The following VPS8 variants were observed in gnomAD, a reference collection of about 807,000 sequenced individuals.
VPS8 encodes vacuolar protein sorting-associated protein 8 homolog.
Under a neutral mutation model 216.4 loss-of-function variants are expected in VPS8, and 129 were observed. The observed-to-expected ratio is 0.60, with a 90% CI of 0.52 to 0.69. The LOEUF (loss-of-function observed/expected upper bound fraction) is 0.69. VPS8 is among the 30% of genes least tolerant of loss of function. The pLI is 0.00. For missense variants in VPS8, 1,531 were observed against 1,683.5 expected (o/e 0.91, Z 1.59); for synonymous variants, 571 against 565.4 (o/e 1.01, Z -0.14).
intron 45 of VPS8, among the ~76,000 whole-genome samples, chr3:185,021,122 A>C (rs1285636675): frequency 6.6e-6 from 1 of 152,226 alleles, no homozygotes; most frequent in African/African-American, 2.4e-5. Flanking sequence ...TATTGCTTTT[A>C]AACTTCAGCT....
Position 184,854,189 on chromosome 3 carries a change from C to T in VPS8, c.1035+16C>T, listed in dbSNP as rs1337780237. ...CTATGGCCGGGTGAGTACGTCCCTC[C>T]ATCTTATTTGCCAAAGGAAGGACCA... On this transcript the variant is annotated intron_variant, in intron 13 of 47. Coordinates refer to ENST00000625842, the MANE Select transcript of VPS8 (RefSeq NM_001009921.3). 1.2e-6 allele frequency: 2 copies of T among 1,613,196 alleles called. No homozygotes were observed. The highest frequency in any genetic ancestry group is 1.7e-5 in the Admixed American group (1 of 59,924).
At chr3:184,900,633 C>T (rs185717185) in intron 24 of VPS8, among the ~76,000 whole-genome samples, 20 of 152,194 alleles carry the variant, frequency 1.3e-4, no homozygotes, top group Middle Eastern at 3.4e-3. Flanking sequence ...AAGAATAAAG[C>T]GTTTAAGAAC....
chr3:184,973,338 C>T (rs779134810), intron 40 of VPS8, among the ~76,000 whole-genome samples: 14 of 151,964 alleles, frequency 9.2e-5, no homozygotes, highest in Non-Finnish European at 1.9e-4. Flanking sequence ...ATAATGCTTG[C>T]TTTTAAAAAT....
At chr3:184,841,198 A>G (rs994806037) in intron 7 of VPS8, among the ~76,000 whole-genome samples, 8 of 152,172 alleles carry the variant, frequency 5.3e-5, no homozygotes. Context: ...AAAATATAGA[A>G]AATATAGATG....
At chr3:184,919,733 T>C (rs868269069) in intron 28 of VPS8, among the ~76,000 whole-genome samples, 1 of 152,220 alleles carries the variant, frequency 6.6e-6, no homozygotes, top group Non-Finnish European at 1.5e-5. Flanking sequence ...GTTAATAAAA[T>C]GTGTCTTAGT....
At chr3:184,925,544 T>G (rs534008910) in intron 30 of VPS8, among the ~76,000 whole-genome samples, 212 of 152,288 alleles carry the variant, frequency 1.4e-3, no homozygotes, top group African/African-American at 5.0e-3. Flanking sequence ...ATCCTCCTTT[T>G]ATAGATGAGG....
Position 184,996,451 on chromosome 3 carries a change from G to C in VPS8, c.3786G>C (p.Leu1262Phe), listed in dbSNP as rs946442934. Reference sequence around the variant, plus strand: ...AACAAGATTACTGCTCTATATGTTTGCAGCAGTACAAGAGACGCCAAGAAA... The same window carrying C: ...AACAAGATTACTGCTCTATATGTTTCCAGCAGTACAAGAGACGCCAAGAAA... ...NPKQDYCSIC[L>F]QQYKRRQEMA... The change falls in exon 44 of 48, where the codon TTG (leucine) becomes TTC (phenylalanine). Residue 1262 changes from leucine to phenylalanine, a missense_variant. Physicochemically the swap from Leu to Phe is conservative, Grantham distance 22 (BLOSUM62 0). Transcript: ENST00000625842. The C allele has an allele frequency of 6.2e-7, 1 of 1,612,480 alleles. No individual in the cohort carries two copies.
intron 21 of VPS8, among the ~76,000 whole-genome samples, chr3:184,883,128 T>C (rs976849521): frequency 5.3e-5 from 8 of 152,216 alleles, no homozygotes; most frequent in African/African-American, 1.9e-4. Flanking sequence ...TATCTGTGAC[T>C]GTGTGCCCTT....
At chr3:184,936,183 A>G (rs2109286568) in intron 34 of VPS8, 63 bp from the exon 35 acceptor site, 1 of 1,425,280 alleles carries the variant, frequency 7.0e-7, no homozygotes, top group Non-Finnish European at 9.7e-7. Context: ...CGTGCCTCAC[A>G]TCTGTGGATA....
intron 34 of VPS8, among the ~76,000 whole-genome samples, chr3:184,935,774 A>C (rs1307806556): frequency 6.6e-6 from 1 of 152,238 alleles, no homozygotes; most frequent in Non-Finnish European, 1.5e-5. Context: ...AAAATTTAAG[A>C]CCTGAAGTTT....
At position 185,052,109 on chromosome 3, in the gene VPS8, T is replaced by C; in HGVS notation, c.*84T>C. On this transcript the variant is annotated 3_prime_UTR_variant, in exon 48 of 48. Coordinates refer to ENST00000625842, the MANE Select transcript of VPS8 (RefSeq NM_001009921.3). ...GGCCCCGCCTCTGGTGGGCTTGGCC[T>C]CCACCACCTCCCACGCTTCTGAGAA... is the stretch of plus-strand genomic sequence containing the variant. 5 of 1,433,912 alleles carry C rather than the reference T, an allele frequency of 3.5e-6. No individual in the cohort carries two copies. The highest frequency in any genetic ancestry group is 2.8e-6 in the Non-Finnish European group (3 of 1,080,850). The allele number at this position is 1,433,912 out of a possible 1,614,324, so 88.8% of individuals were successfully genotyped here.
intron 45 of VPS8, among the ~76,000 whole-genome samples, chr3:185,008,329 G>A (rs1195228161): frequency 1.3e-5 from 2 of 152,072 alleles, no homozygotes; most frequent in Non-Finnish European, 2.9e-5. Flanking sequence ...ACTTCAGCCA[G>A]TATTTAATGT....
At chr3:184,864,826 C>T (rs980812916) in intron 16 of VPS8, among the ~76,000 whole-genome samples, 1 of 152,082 alleles carries the variant, frequency 6.6e-6, no homozygotes, top group Non-Finnish European at 1.5e-5. Context: ...TTAGAGATTA[C>T]TAGGTATGCA....
chr3:184,953,597 A>AT (rs750598933), intron 36 of VPS8, among the ~76,000 whole-genome samples: 9 of 152,182 alleles, frequency 5.9e-5, no homozygotes, highest in Non-Finnish European at 1.2e-4. Context: ...AGTGGTTGGC[A>AT]TTTTCCATCT....
At chr3:184,882,486 G>T in intron 21 of VPS8, 1 of 413,936 alleles carries the variant, frequency 2.4e-6, no homozygotes, top group Non-Finnish European at 4.8e-6. Flanking sequence ...TTTTGTGAAG[G>T]ACTTTTACAT....
chr3:184,833,355 A>C (rs1384959102), intron 4 of VPS8, among the ~76,000 whole-genome samples: 1 of 152,132 alleles, frequency 6.6e-6, no homozygotes, highest in Non-Finnish European at 1.5e-5. Flanking sequence ...TCATACTATA[A>C]ATACATTATT....
chr3:184,842,912 G>T (rs1411652404), intron 7 of VPS8, among the ~76,000 whole-genome samples: 1 of 151,114 alleles, frequency 6.6e-6, no homozygotes, highest in Non-Finnish European at 1.5e-5. Context: ...CCATCCCAGG[G>T]TTCTTAGTTT....
In VPS8 at chr3:184,894,880, A is replaced by G; in HGVS notation, c.1959A>G (p.Glu653=). 6.2e-7 allele frequency: 1 copy of G among 1,609,356 alleles called. No homozygotes were observed. Among genetic ancestry groups the G allele is most frequent in the Non-Finnish European group, 8.5e-7 (1 of 1,178,132 alleles). ...ATAAAAAATTAATGGAAAATGTGGA[A>G]GCGCTCATTGTACATATGGATATCA... ...FQDKKLMENV[E]ALIVHMDITS... Residue 653 remains glutamate, a synonymous_variant, in exon 23 of 48, where the codon GAA becomes GAG. Transcript: ENST00000625842.
At chr3:184,889,984 T>G (rs950593443) in intron 22 of VPS8, among the ~76,000 whole-genome samples, 1 of 152,196 alleles carries the variant, frequency 6.6e-6, no homozygotes, top group African/African-American at 2.4e-5. Context: ...TTTAATTAAA[T>G]AGTTCAGTCT....
Sources: gnomAD v4.1 joint callset for allele counts (sites outside exome capture counted in the v4.1 genomes callset) on GRCh38, gnomAD v4.1.1 for gene constraint, MANE v1.5 for transcripts, NCBI Gene and HGNC (gene_info 2026-07-23, HGNC 2026-07-21) for gene names.